Variants in LRRC8C observed in about 807,000 individuals in gnomAD.
LRRC8C encodes leucine rich repeat containing 8 VRAC subunit C, also known as volume-regulated anion channel subunit LRRC8C.
A neutral mutation model predicts 55.3 loss-of-function variants in LRRC8C; 20 were observed. The ratio of observed to expected loss-of-function variants is 0.36; its 90% CI spans 0.25 to 0.53. The LOEUF is 0.53. Among genes scored for constraint, LRRC8C ranks in the 20% least tolerant of loss-of-function variants. LRRC8C has a pLI of 0.92. For synonymous variants in LRRC8C, 376 were observed against 360.7 expected (o/e 1.04, Z -0.48); for missense variants, 659 against 951.4 (o/e 0.69, Z 4.04).
At chr1:89,683,570 A>G (rs949638714) in intron 1 of LRRC8C, among the ~76,000 whole-genome samples, 1 of 151,944 alleles carries the variant, frequency 6.6e-6, no homozygotes, top group African/African-American at 2.4e-5. Context: ...GTTGGCCAGG[A>G]TGGTCTTGAT....
intron 1 of LRRC8C, among the ~76,000 whole-genome samples, chr1:89,657,234 G>A (rs1327806411): frequency 6.6e-6 from 1 of 152,000 alleles, no homozygotes; most frequent in East Asian, 1.9e-4. Flanking sequence ...TTTTACTGTT[G>A]ACATATATTG....
chr1:89,646,090 A>C (rs1656607176), intron 1 of LRRC8C, among the ~76,000 whole-genome samples: 1 of 152,120 alleles, frequency 6.6e-6, no homozygotes, highest in South Asian at 2.1e-4. Context: ...GCATAGAAAG[A>C]AATACTAGAT....
Position 89,713,434 on chromosome 1 carries a change from G to A in LRRC8C, c.864G>A (p.Gln288=). Residue 288 remains glutamine (Q), a synonymous_variant, in exon 3 of 3, where the codon CAG becomes CAA. Coordinates refer to ENST00000370454, the MANE Select transcript of LRRC8C (RefSeq NM_032270.5). The surrounding 1 kb of genome is among the most constrained non-coding windows in gnomAD (Gnocchi z 5.2). ...AYNSALVSKV[Q]FTVDCNVDIQ... is the part of the protein sequence containing the mutation. ...ATAGTGCTCTGGTTTCCAAGGTCCA[G>A]TTTACAGTGGACTGTAATGTGGACA... 6.2e-7 allele frequency: 1 copy of A among 1,614,048 alleles called. No individual in the cohort carries two copies. The highest frequency in any genetic ancestry group is 1.1e-5 in the South Asian group (1 of 91,086).
chr1:89,688,576 AGGCAGATGTCCT>A (rs1657943743), intron 2 of LRRC8C, among the ~76,000 whole-genome samples: 1 of 152,220 alleles, frequency 6.6e-6, no homozygotes, highest in South Asian at 2.1e-4. Context: ...GGAGCAGGCC[AGGCAGATGTCCT>A]GGAAGGAGGC....
intron 2 of LRRC8C, among the ~76,000 whole-genome samples, chr1:89,693,636 T>C (rs1270046077): frequency 4.0e-5 from 6 of 149,198 alleles, no homozygotes; most frequent in African/African-American, 1.5e-4. Context: ...TTTTCTTTTA[T>C]CTTTTCTTCC....
At chr1:89,635,184 A>C (rs1287231746) in intron 1 of LRRC8C, among the ~76,000 whole-genome samples, 2 of 152,232 alleles carry the variant, frequency 1.3e-5, no homozygotes, top group African/African-American at 2.4e-5. Context: ...TTAAAAAACA[A>C]TACAAAGTTA....
At chr1:89,687,544 A>C (rs1657914957) in intron 2 of LRRC8C, among the ~76,000 whole-genome samples, 1 of 152,196 alleles carries the variant, frequency 6.6e-6, no homozygotes. Context: ...TGTGATGAGG[A>C]AGATAGTGTC....
the LRRC8C span, among the ~76,000 whole-genome samples, chr1:89,621,679 T>C: frequency 6.6e-6 from 1 of 152,186 alleles, no homozygotes; most frequent in Non-Finnish European, 1.5e-5. Context: ...TTTATAATCA[T>C]GAAAAATGGA....
At chr1:89,670,726 A>G (rs998406586) in intron 1 of LRRC8C, among the ~76,000 whole-genome samples, 2 of 152,076 alleles carry the variant, frequency 1.3e-5, no homozygotes, top group African/African-American at 4.8e-5. Context: ...ACAGCAAGGA[A>G]TTTATCAAAA....
intron 1 of LRRC8C, among the ~76,000 whole-genome samples, chr1:89,671,287 G>T (rs531374617): frequency 1.3e-5 from 2 of 149,866 alleles, no homozygotes; most frequent in African/African-American, 5.1e-5. Context: ...GGTTAGGGAG[G>T]GAAGAAGGTT....
chr1:89,692,200 T>C (rs1658046196), intron 2 of LRRC8C, among the ~76,000 whole-genome samples: 1 of 152,250 alleles, frequency 6.6e-6, no homozygotes, highest in African/African-American at 2.4e-5. Flanking sequence ...TGTTAAAATA[T>C]ATTTTTATGT....
intron 1 of LRRC8C, among the ~76,000 whole-genome samples, chr1:89,659,037 G>A (rs1657027935): frequency 7.1e-6 from 1 of 141,218 alleles, no homozygotes; most frequent in African/African-American, 2.6e-5. Flanking sequence ...TTTAGGTTGT[G>A]TCTTCTCCAG....
At chr1:89,634,043 A>G (rs1182672649) in intron 1 of LRRC8C, among the ~76,000 whole-genome samples, 2 of 152,092 alleles carry the variant, frequency 1.3e-5, no homozygotes, top group African/African-American at 4.8e-5. Context: ...GTGGACACGA[A>G]TGCCTTTCTT....
chr1:89,646,585 A>G (rs571011286), intron 1 of LRRC8C, among the ~76,000 whole-genome samples: 37 of 152,130 alleles, frequency 2.4e-4, no homozygotes, highest in Non-Finnish European at 4.7e-4. Context: ...GTAATGATAA[A>G]GATTTTCAAA....
chr1:89,634,490 T>A (rs538776443), intron 1 of LRRC8C, among the ~76,000 whole-genome samples: 1 of 152,264 alleles, frequency 6.6e-6, no homozygotes, highest in Admixed American at 6.5e-5. Context: ...CCGACAGGTA[T>A]GTGATGGTTT....
At chr1:89,628,539 C>T (rs1396010536), upstream of LRRC8C, among the ~76,000 whole-genome samples, 1 of 152,138 alleles carries the variant, frequency 6.6e-6, no homozygotes, top group Non-Finnish European at 1.5e-5. Context: ...TAGGTATGAG[C>T]CACCTTCTCT....
At chr1:89,616,483 T>C in the LRRC8C span, among the ~76,000 whole-genome samples, 12 of 152,296 alleles carry the variant, frequency 7.9e-5, no homozygotes, top group African/African-American at 2.4e-4. Context: ...TAGCTCCAAT[T>C]TGCCTGAAAG....
At chr1:89,658,885 AT>A (rs1657023282) in intron 1 of LRRC8C, among the ~76,000 whole-genome samples, 2 of 152,164 alleles carry the variant, frequency 1.3e-5, no homozygotes, top group Non-Finnish European at 2.9e-5. Flanking sequence ...TAAAAGATTT[AT>A]AGCCAAAGAA....
chr1:89,620,609 C>T, the LRRC8C span, among the ~76,000 whole-genome samples: 1 of 151,296 alleles, frequency 6.6e-6, no homozygotes, highest in Non-Finnish European at 1.5e-5. Flanking sequence ...TAGGCGATTT[C>T]CTACTGGGTC....
Sources: allele counts gnomAD v4.1 joint callset (sites outside exome capture counted in the v4.1 genomes callset), GRCh38; gene constraint gnomAD v4.1.1; non-coding constraint Gnocchi (gnomAD v3.1); transcripts MANE v1.5; gene names NCBI Gene and HGNC (gene_info 2026-07-23, HGNC 2026-07-21).